NKAIN2: variants seen among roughly 807,000 people sequenced by gnomAD.
NKAIN2 encodes the protein sodium/potassium transporting ATPase interacting 2.
NKAIN2 carries 14 observed loss-of-function variants against 32.6 expected under a neutral mutation model. The ratio of observed to expected loss-of-function variants is 0.43; its 90% CI spans 0.28 to 0.67. The LOEUF (loss-of-function observed/expected upper bound fraction) is 0.67. Ranked by LOEUF, NKAIN2 falls within the 30% of genes least tolerant of loss-of-function variation. The pLI is 0.17. For synonymous variants in NKAIN2, 80 were observed against 87.2 expected (o/e 0.92, Z 0.46); for missense variants, 198 against 258.3 (o/e 0.77, Z 1.60).
At chr6:123,854,633 C>G (rs1437290928) in intron 1 of NKAIN2, among the ~76,000 whole-genome samples, 1 of 152,162 alleles carries the variant, frequency 6.6e-6, no homozygotes, top group African/African-American at 2.4e-5. Context: ...CTACAAAGTT[C>G]TCATCAATAT....
chr6:124,745,597 T>C (rs1777413274), intron 4 of NKAIN2, among the ~76,000 whole-genome samples: 1 of 151,916 alleles, frequency 6.6e-6, no homozygotes, highest in South Asian at 2.1e-4. Context: ...TTCTTTTAAA[T>C]ATTATTTTTA....
At chr6:124,388,818 CTATT>C (rs1281789407) in intron 3 of NKAIN2, among the ~76,000 whole-genome samples, 2 of 152,080 alleles carry the variant, frequency 1.3e-5, no homozygotes, top group African/African-American at 4.8e-5. Flanking sequence ...CTTGTATAGT[CTATT>C]TAGTGCCATT....
At chr6:124,354,844 G>GAAAAA (rs3054410) in intron 2 of NKAIN2, among the ~76,000 whole-genome samples, 5 of 100,758 alleles carry the variant, frequency 5.0e-5, no homozygotes, top group Admixed American at 1.0e-4. Context: ...ATAACAGTAA[G>GAAAAA]AAAAAAAAAA....
intron 1 of NKAIN2, among the ~76,000 whole-genome samples, chr6:123,933,576 T>C (rs1776364458): frequency 6.6e-6 from 1 of 152,240 alleles, no homozygotes; most frequent in African/African-American, 2.4e-5. Context: ...TCTCTTTCCT[T>C]CTCTGTTATT....
chr6:124,604,742 C>T (rs1204286571), intron 3 of NKAIN2, among the ~76,000 whole-genome samples: 1 of 151,906 alleles, frequency 6.6e-6, no homozygotes, highest in Non-Finnish European at 1.5e-5. Flanking sequence ...GCAATGAAAT[C>T]CACGCTCCCA....
intron 3 of NKAIN2, among the ~76,000 whole-genome samples, chr6:124,439,093 G>A (rs560156926): frequency 9.8e-4 from 149 of 152,124 alleles, no homozygotes; most frequent in African/African-American, 3.4e-3. Flanking sequence ...CATTTTACTC[G>A]ACAGCTCTTC....
At chr6:124,440,694 G>T (rs1457984520) in intron 3 of NKAIN2, among the ~76,000 whole-genome samples, 2 of 152,098 alleles carry the variant, frequency 1.3e-5, no homozygotes, top group Admixed American at 6.6e-5. Context: ...CTTCCAGGAT[G>T]CAGACTTCTC....
intron 4 of NKAIN2, among the ~76,000 whole-genome samples, chr6:124,775,115 C>CATATTT (rs1391814681): frequency 6.6e-6 from 1 of 152,132 alleles, no homozygotes; most frequent in Middle Eastern, 3.2e-3. Context: ...ATAATTCAAG[C>CATATTT]ATATTTTTTA....
At chr6:124,143,802 A>C (rs1264043064) in intron 1 of NKAIN2, among the ~76,000 whole-genome samples, 3 of 152,216 alleles carry the variant, frequency 2.0e-5, no homozygotes, top group Non-Finnish European at 2.9e-5. Flanking sequence ...TATACCTATC[A>C]TTAGAATATG....
chr6:124,602,467 T>C (rs1182680930), intron 3 of NKAIN2, among the ~76,000 whole-genome samples: 1 of 151,964 alleles, frequency 6.6e-6, no homozygotes, highest in Non-Finnish European at 1.5e-5. Context: ...AAATCATGTT[T>C]GGAAGGACTT....
chr6:124,122,652 A>G (rs1206629070), intron 1 of NKAIN2, among the ~76,000 whole-genome samples: 3 of 152,148 alleles, frequency 2.0e-5, no homozygotes, highest in Admixed American at 6.5e-5. Flanking sequence ...CTCAAATTTC[A>G]TAGTATTTCT....
intron 3 of NKAIN2, among the ~76,000 whole-genome samples, chr6:124,612,177 C>T (rs947757047): frequency 1.3e-5 from 2 of 150,894 alleles, no homozygotes; most frequent in South Asian, 2.1e-4. Context: ...ATTTGAATCA[C>T]TCTATGTTTT....
In NKAIN2 at chr6:124,580,550, C is replaced by T. The variant is rs562049940; in HGVS notation, c.274-77636C>T. On this transcript the variant is annotated intron_variant, in intron 3 of 6. Transcript: ENST00000368417. Reference sequence around the variant, plus strand: ...TTAAAAGCAAGAAATTAAAACATACCACCAGAGAAAATTACCTTCACTAAA... The same window carrying T: ...TTAAAAGCAAGAAATTAAAACATACTACCAGAGAAAATTACCTTCACTAAA... Among the ~76,000 whole-genome samples the T allele has an allele frequency of 2.0e-5, 3 of 151,954 alleles. No individual in the cohort carries two copies. In the South Asian group the frequency reaches 6.2e-4, roughly 32 times the overall value.
intron 1 of NKAIN2, among the ~76,000 whole-genome samples, chr6:124,043,178 C>G (rs1304129618): frequency 6.6e-6 from 1 of 151,832 alleles, no homozygotes; most frequent in Non-Finnish European, 1.5e-5. Context: ...GCCAACATGG[C>G]AAAACCTTGT....
chr6:124,629,477 A>G (rs548794189), intron 3 of NKAIN2, among the ~76,000 whole-genome samples: 59 of 152,330 alleles, frequency 3.9e-4, no homozygotes, highest in African/African-American at 1.3e-3. Flanking sequence ...AAAAACTAGT[A>G]TATCAAGATT....
chr6:124,067,257 C>T (rs1041138091), intron 1 of NKAIN2, among the ~76,000 whole-genome samples: 1 of 152,160 alleles, frequency 6.6e-6, no homozygotes, highest in African/African-American at 2.4e-5. Context: ...AATCACATAT[C>T]TCTCTCGTAC....
At chr6:123,810,578 A>G (rs1428350923) in intron 1 of NKAIN2, among the ~76,000 whole-genome samples, 1 of 152,202 alleles carries the variant, frequency 6.6e-6, no homozygotes, top group Non-Finnish European at 1.5e-5. Flanking sequence ...ACAGATAACC[A>G]TGAAATAGGG....
At chr6:124,816,372 C>A (rs1243957776) in intron 5 of NKAIN2, among the ~76,000 whole-genome samples, 1 of 152,070 alleles carries the variant, frequency 6.6e-6, no homozygotes, top group Non-Finnish European at 1.5e-5. Context: ...ACGCATTTAT[C>A]AAAACCCATA....
chr6:124,038,593 A>G (rs1781714674), intron 1 of NKAIN2, among the ~76,000 whole-genome samples: 1 of 152,134 alleles, frequency 6.6e-6, no homozygotes, highest in South Asian at 2.1e-4. Context: ...TTTAAACTGC[A>G]TATTATTAGA....
Sources: allele counts gnomAD v4.1 joint callset (sites outside exome capture counted in the v4.1 genomes callset), GRCh38; gene constraint gnomAD v4.1.1; transcripts MANE v1.5; gene names NCBI Gene and HGNC (gene_info 2026-07-23, HGNC 2026-07-21).